C10orf90: variants seen among roughly 807,000 people sequenced by gnomAD.
C10orf90 encodes the protein (E2-independent) E3 ubiquitin-conjugating enzyme FATS.
A neutral mutation model predicts 62.5 loss-of-function variants in C10orf90; 56 were observed. That is an observed-to-expected ratio of 0.90 (90% CI 0.72 to 1.12). The LOEUF (loss-of-function observed/expected upper bound fraction) is 1.12. C10orf90 is among the 50% of genes most tolerant of loss of function. C10orf90 has a pLI of 0.00. For missense variants in C10orf90, 970 were observed against 880.4 expected (o/e 1.10, Z -1.29); for synonymous variants, 386 against 340.4 (o/e 1.13, Z -1.47).
At chr10:126,460,122 C>A (rs1210294941) in intron 6 of C10orf90, among the ~76,000 whole-genome samples, 1 of 152,158 alleles carries the variant, frequency 6.6e-6, no homozygotes, top group Non-Finnish European at 1.5e-5. Context: ...TCAAGTTGTC[C>A]CCAGCCTGAA....
intron 2 of C10orf90, among the ~76,000 whole-genome samples, chr10:126,542,081 TATGATTCTCTTTACATGA>T (rs1453713823): frequency 6.6e-6 from 1 of 152,134 alleles, no homozygotes; most frequent in Non-Finnish European, 1.5e-5. Flanking sequence ...TCATATAGTG[TATGATTCTCTTTACATGA>T]AATGTCCAGA....
At chr10:126,569,045 T>C (rs1591107639) in intron 2 of C10orf90, among the ~76,000 whole-genome samples, 1 of 151,880 alleles carries the variant, frequency 6.6e-6, no homozygotes, top group African/African-American at 2.4e-5. Context: ...GGGGGCAGGG[T>C]GCAGGGTGAC....
At chr10:126,525,137 T>C (rs553640099) in intron 2 of C10orf90, among the ~76,000 whole-genome samples, 2 of 152,184 alleles carry the variant, frequency 1.3e-5, no homozygotes, top group East Asian at 3.9e-4. Flanking sequence ...TCAGGCAACT[T>C]TCTGTAGGAT....
chr10:126,535,793 A>C (rs899236978), intron 2 of C10orf90, among the ~76,000 whole-genome samples: 1 of 152,124 alleles, frequency 6.6e-6, no homozygotes, highest in African/African-American at 2.4e-5. Flanking sequence ...AGAGCACAGC[A>C]TGGATAACAA....
At chr10:126,609,075 T>A (rs1845375689) in intron 2 of C10orf90, among the ~76,000 whole-genome samples, 1 of 152,322 alleles carries the variant, frequency 6.6e-6, no homozygotes, top group Middle Eastern at 3.4e-3. Flanking sequence ...TGCCTCAGTT[T>A]ATCCAGTTGT....
intron 1 of C10orf90, among the ~76,000 whole-genome samples, chr10:126,663,259 G>A (rs766830551): frequency 1.3e-5 from 2 of 152,190 alleles, no homozygotes; most frequent in Non-Finnish European, 2.9e-5. Flanking sequence ...CTAATCACTT[G>A]ATCCTGGTGT....
At chr10:126,564,894 TATA>T (rs1844280153) in intron 2 of C10orf90, among the ~76,000 whole-genome samples, 1 of 22,420 alleles carries the variant, frequency 4.5e-5, no homozygotes, top group African/African-American at 2.0e-4. Flanking sequence ...ATATATTATA[TATA>T]ATATATAAAA....
At chr10:126,462,820 C>T (rs1446809448) in intron 5 of C10orf90, among the ~76,000 whole-genome samples, 2 of 152,210 alleles carry the variant, frequency 1.3e-5, no homozygotes, top group Non-Finnish European at 2.9e-5. Flanking sequence ...GCTCAAAATC[C>T]ACCCACAGTT....
At chr10:126,541,346 A>T (rs540360228) in intron 2 of C10orf90, among the ~76,000 whole-genome samples, 5 of 152,174 alleles carry the variant, frequency 3.3e-5, no homozygotes, top group Non-Finnish European at 5.9e-5. Flanking sequence ...TTTAAAAAAC[A>T]TTTAAAGAAA....
chr10:126,515,868 C>T (rs573595199), intron 2 of C10orf90, among the ~76,000 whole-genome samples: 3 of 152,300 alleles, frequency 2.0e-5, no homozygotes, highest in East Asian at 3.9e-4. Context: ...AGATGTGGGG[C>T]CCTGCCTCCA....
intron 4 of C10orf90, chr10:126,496,644 T>G (rs1470150218): frequency 2.6e-5 from 26 of 985,294 alleles, no homozygotes; most frequent in Admixed American, 6.1e-5. Context: ...TTAACTTTAC[T>G]TTTCACAACC....
intron 2 of C10orf90, among the ~76,000 whole-genome samples, chr10:126,531,460 A>G (rs766435770): frequency 3.3e-5 from 5 of 152,246 alleles, no homozygotes; most frequent in Non-Finnish European, 7.3e-5. Context: ...AAACCCTGAC[A>G]TAGACACAAA....
chr10:126,485,949 GA>G (rs11461920), intron 4 of C10orf90, among the ~76,000 whole-genome samples: 27 of 139,204 alleles, frequency 1.9e-4, no homozygotes, highest in East Asian at 8.4e-4. Flanking sequence ...TCCATCTCAA[GA>G]AAAAAAAAAA....
In C10orf90 at chr10:126,425,589, C is replaced by G. The variant is rs1460152827; in HGVS notation, c.*275G>C. ...GAGAAGAAATCAGAAGCAAAAGGTA[C>G]AATTTAGAAGCAAAAACATTAAGGG... is the stretch of plus-strand genomic sequence containing the variant. On this transcript the variant is annotated 3_prime_UTR_variant, in exon 10 of 10. Transcript: ENST00000488181. The G allele has an allele frequency of 4.4e-6, 2 of 451,510 alleles. No individual in the cohort carries two copies. The highest frequency in any genetic ancestry group is 7.7e-6 in the Non-Finnish European group (2 of 258,924). 28.0% of individuals were successfully genotyped at this position (451,510 alleles called of 1,614,324 possible). A position where few individuals can be genotyped will look rare whatever the true frequency, so the allele number is the denominator to read the frequency against.
intron 2 of C10orf90, among the ~76,000 whole-genome samples, chr10:126,539,253 G>A (rs929340610): frequency 1.3e-5 from 2 of 152,224 alleles, no homozygotes; most frequent in African/African-American, 2.4e-5. Context: ...TCGGCTGTGA[G>A]TGGAATCCAT....
intron 4 of C10orf90, among the ~76,000 whole-genome samples, chr10:126,502,200 A>G (rs747001007): frequency 1.3e-5 from 2 of 152,100 alleles, no homozygotes; most frequent in South Asian, 4.1e-4. Context: ...AGAATTCACC[A>G]CTGTAAAATT....
chr10:126,458,821 G>C (rs563031568), intron 7 of C10orf90, among the ~76,000 whole-genome samples: 4 of 152,316 alleles, frequency 2.6e-5, no homozygotes, highest in African/African-American at 7.2e-5. Context: ...GGTGTCCCAA[G>C]TTGTTTCTGC....
Position 126,617,897 on chromosome 10 carries a change from C to A in C10orf90, c.313+28668G>T, listed in dbSNP as rs146279741. ...AGAGAGAGGGAGAGATCATCAGTCA[C>A]AAGATCCATGAGCAATAAATGTTAA... On this transcript the variant is annotated intron_variant, in intron 2 of 9. Transcript: ENST00000488181. Among the ~76,000 whole-genome samples, 240 of 152,328 alleles carry A rather than the reference C, an allele frequency of 1.6e-3. 1 individual carries two copies. The Middle Eastern group carries it at 0.027, about 17-fold the overall frequency.
At chr10:126,464,613 T>C (rs962669013) in intron 5 of C10orf90, 83 bp downstream of exon 5, 122 of 1,373,054 alleles carry the variant, frequency 8.9e-5, no homozygotes, top group Admixed American at 9.9e-5. Context: ...GGTGACAGTA[T>C]GCACGAGGTC....
Sources: allele counts gnomAD v4.1 joint callset (sites outside exome capture counted in the v4.1 genomes callset), GRCh38; gene constraint gnomAD v4.1.1; transcripts MANE v1.5; gene names NCBI Gene and HGNC (gene_info 2026-07-23, HGNC 2026-07-21).